Variants in PPP1R9A observed in about 807,000 individuals in gnomAD.
The protein encoded by PPP1R9A is protein phosphatase 1 regulatory subunit 9A, also known as neurabin-1.
A neutral mutation model predicts 141.9 loss-of-function variants in PPP1R9A; 59 were observed. The observed-to-expected ratio is 0.42, with a 90% CI of 0.34 to 0.52. The LOEUF (loss-of-function observed/expected upper bound fraction) is 0.52, where lower values mean the gene tolerates loss of function less well. PPP1R9A is among the 20% of genes least tolerant of loss of function. The probability of loss-of-function intolerance (pLI) is 0.10; values close to 1 mark genes in which losing one functional copy is unlikely to be tolerated. For missense variants in PPP1R9A, 1,444 were observed against 1,611.9 expected (o/e 0.90, Z 1.78); for synonymous variants, 500 against 569.7 (o/e 0.88, Z 1.74).
At chr7:94,926,920 C>G (rs912115268) in intron 2 of PPP1R9A, among the ~76,000 whole-genome samples, 2 of 152,040 alleles carry the variant, frequency 1.3e-5, no homozygotes, top group African/African-American at 4.8e-5. Context: ...TGCATGGGAC[C>G]AAATAATCCA....
intron 5 of PPP1R9A, among the ~76,000 whole-genome samples, chr7:95,194,677 A>G (rs1219585360): frequency 6.6e-6 from 1 of 151,858 alleles, no homozygotes; most frequent in African/African-American, 2.4e-5. Context: ...AAAAACAAAT[A>G]ACCAGAAACA....
At chr7:94,940,182 A>G (rs953510536) in intron 2 of PPP1R9A, among the ~76,000 whole-genome samples, 4 of 152,084 alleles carry the variant, frequency 2.6e-5, no homozygotes, top group Non-Finnish European at 4.4e-5. Flanking sequence ...GACAGTAACT[A>G]ATCCTTTTAT....
At chr7:95,152,052 A>G (rs1482868576) in intron 4 of PPP1R9A, among the ~76,000 whole-genome samples, 1 of 145,758 alleles carries the variant, frequency 6.9e-6, no homozygotes, top group Non-Finnish European at 1.5e-5. Flanking sequence ...CCCAGGTTCA[A>G]GCAATTCTCC....
intron 7 of PPP1R9A, among the ~76,000 whole-genome samples, chr7:95,208,488 G>A (rs945627582): frequency 6.6e-6 from 1 of 152,164 alleles, no homozygotes. Flanking sequence ...ACTTTGGGAG[G>A]CTGAGGCAGG....
Position 95,204,313 on chromosome 7 carries a change from C to A in PPP1R9A, c.1956+583C>A, listed in dbSNP as rs958876782. ...GTTGCTGTTAATATAGATAGCAGTGCTTAAAAATGGAGGTTGAGTGTATGT... is the reference window on the plus strand; with the variant it reads ...GTTGCTGTTAATATAGATAGCAGTGATTAAAAATGGAGGTTGAGTGTATGT... On this transcript the variant is annotated intron_variant, in intron 7 of 19. Coordinates refer to ENST00000433360, the MANE Select transcript of PPP1R9A (RefSeq NM_001166160.2). 3.9e-5 allele frequency among the ~76,000 whole-genome samples: 6 copies of A among 152,068 alleles called. No homozygotes were observed. In the East Asian group the frequency reaches 9.6e-4, roughly 24 times the overall value.
At chr7:95,025,497 C>T (rs1806694018) in intron 2 of PPP1R9A, among the ~76,000 whole-genome samples, 1 of 152,124 alleles carries the variant, frequency 6.6e-6, no homozygotes, top group Non-Finnish European at 1.5e-5. Flanking sequence ...CTCTGGCTGC[C>T]CTTAACATTT....
chr7:94,937,717 T>C (rs1304351002), intron 2 of PPP1R9A, among the ~76,000 whole-genome samples: 1 of 152,192 alleles, frequency 6.6e-6, no homozygotes, highest in Non-Finnish European at 1.5e-5. Flanking sequence ...TTGTGGTAGA[T>C]TGAAAAGAAT....
chr7:95,128,213 G>A (rs533650754), intron 4 of PPP1R9A, among the ~76,000 whole-genome samples: 1 of 152,152 alleles, frequency 6.6e-6, no homozygotes, highest in Non-Finnish European at 1.5e-5. Flanking sequence ...ATACTGATTG[G>A]TGTGAAATAA....
rs1806294999 is a variant in PPP1R9A at position 95,291,130 on chromosome 7, A to G, written c.*827A>G. ...GCTACTGCTGTGTGTTCAGCATTTC[A>G]GCAACACTGGCAAACACAACACAGT... On this transcript the variant is annotated 3_prime_UTR_variant, in exon 20 of 20. Transcript: ENST00000433360. The G allele has an allele frequency of 6.6e-6, 1 of 152,192 alleles. No homozygotes were observed. Among genetic ancestry groups the G allele is most frequent in the Non-Finnish European group, 1.5e-5 (1 of 68,038 alleles). 9.4% of individuals were successfully genotyped at this position (152,192 alleles called of 1,614,324 possible).
intron 7 of PPP1R9A, among the ~76,000 whole-genome samples, chr7:95,216,737 A>T (rs370892814): frequency 6.6e-6 from 1 of 152,060 alleles, no homozygotes; most frequent in Non-Finnish European, 1.5e-5. Context: ...CAATTGTGAA[A>T]GGGAGTTCAC....
chr7:95,140,221 A>G (rs779485936), intron 4 of PPP1R9A, among the ~76,000 whole-genome samples: 6 of 152,204 alleles, frequency 3.9e-5, no homozygotes, highest in Non-Finnish European at 7.3e-5. Context: ...TCTGGGAAGA[A>G]TGACTAACAA....
At chr7:95,240,011 A>G (rs1017021639) in intron 8 of PPP1R9A, among the ~76,000 whole-genome samples, 6 of 152,074 alleles carry the variant, frequency 3.9e-5, no homozygotes, top group Non-Finnish European at 7.4e-5. Flanking sequence ...AGTATCCACT[A>G]TTATTCCTTT....
At chr7:95,072,199 A>G (rs965260763) in intron 2 of PPP1R9A, among the ~76,000 whole-genome samples, 2 of 147,710 alleles carry the variant, frequency 1.4e-5, no homozygotes, top group African/African-American at 4.9e-5. Context: ...TTATTTTCTT[A>G]TTTATTATAA....
At chr7:95,110,684 A>T (rs1820399641) in intron 2 of PPP1R9A, among the ~76,000 whole-genome samples, 1 of 152,192 alleles carries the variant, frequency 6.6e-6, no homozygotes, top group Non-Finnish European at 1.5e-5. Context: ...CTTTAGCGAT[A>T]TTTTCATAAT....
At chr7:95,287,425 G>C (rs1312042841) in intron 18 of PPP1R9A, among the ~76,000 whole-genome samples, 2 of 152,024 alleles carry the variant, frequency 1.3e-5, no homozygotes, top group African/African-American at 4.8e-5. Flanking sequence ...CTTCATCTCA[G>C]CTTACCCTAT....
chr7:94,982,892 C>T (rs529177688), intron 2 of PPP1R9A, among the ~76,000 whole-genome samples: 2 of 152,210 alleles, frequency 1.3e-5, no homozygotes, highest in South Asian at 4.2e-4. Flanking sequence ...AGTCCTTGCC[C>T]ATGCTTATGT....
rs1283435039 is a variant in PPP1R9A at position 95,085,859 on chromosome 7, T to TA, written c.1396-25395dup. ...GTTAATGTTTGATTTCTTTTTGTTT[T>TA]AAAAATCTTCCTAAGACCATAAACA... On this transcript the variant is annotated intron_variant, in intron 2 of 19. Transcript: ENST00000433360. Among the ~76,000 whole-genome samples the TA allele has an allele frequency of 2.0e-5, 3 of 152,030 alleles. 1 individual carries two copies. Among genetic ancestry groups the TA allele is most frequent in the African/African-American group, 7.3e-5 (3 of 41,322 alleles).
intron 4 of PPP1R9A, among the ~76,000 whole-genome samples, chr7:95,131,286 C>T (rs896909693): frequency 2.6e-5 from 4 of 152,186 alleles, no homozygotes; most frequent in Non-Finnish European, 4.4e-5. Context: ...AGAAGCTGTT[C>T]TCTTGTCTGC....
intron 2 of PPP1R9A, among the ~76,000 whole-genome samples, chr7:95,077,911 C>T (rs1301509329): frequency 4.0e-5 from 6 of 151,424 alleles, no homozygotes; most frequent in Non-Finnish European, 8.8e-5. Flanking sequence ...GAGGGAGATA[C>T]TCTTACAAAT....
Sources: gnomAD v4.1 joint callset for allele counts (sites outside exome capture counted in the v4.1 genomes callset) on GRCh38, gnomAD v4.1.1 for gene constraint, MANE v1.5 for transcripts, NCBI Gene and HGNC (gene_info 2026-07-23, HGNC 2026-07-21) for gene names.